Variants in DHX40 observed in about 807,000 individuals in gnomAD.
DHX40 encodes probable ATP-dependent RNA helicase DHX40.
Under a neutral mutation model 89.6 loss-of-function variants are expected in DHX40, and 28 were observed. That is an observed-to-expected ratio of 0.31 (90% CI 0.23 to 0.43). The LOEUF (loss-of-function observed/expected upper bound fraction) is 0.43. Ranked by LOEUF, DHX40 falls within the 20% of genes least tolerant of loss-of-function variation. The pLI, the probability that DHX40 is intolerant of heterozygous loss-of-function variation, is 1.00. For synonymous variants in DHX40, 226 were observed against 283.6 expected (o/e 0.80, Z 2.04); for missense variants, 457 against 844.0 (o/e 0.54, Z 5.68).
intron 3 of DHX40, among the ~76,000 whole-genome samples, chr17:59,572,309 T>A (rs2048821195): frequency 6.6e-6 from 1 of 152,198 alleles, no homozygotes. Flanking sequence ...CTTTCCCTTG[T>A]TTTATGGATG....
intron 2 of DHX40, among the ~76,000 whole-genome samples, chr17:59,568,460 C>T (rs2048739837): frequency 6.6e-6 from 1 of 152,090 alleles, no homozygotes; most frequent in South Asian, 2.1e-4. Flanking sequence ...TTGGGAGATG[C>T]CTTCTAAGAC....
At chr17:59,569,692 G>GAAAA (rs1411166319) in intron 2 of DHX40, among the ~76,000 whole-genome samples, 1 of 133,864 alleles carries the variant, frequency 7.5e-6, no homozygotes, top group African/African-American at 3.2e-5. Flanking sequence ...TCTCAAAAAA[G>GAAAA]AAAAAAATAT....
chr17:59,569,226 G>A (rs2048752413), intron 2 of DHX40, among the ~76,000 whole-genome samples: 1 of 152,122 alleles, frequency 6.6e-6, no homozygotes, highest in Non-Finnish European at 1.5e-5. Context: ...TACTCAGGCG[G>A]CTGAGGCAGG....
At chr17:59,605,795 C>G (rs1213039088) in intron 17 of DHX40, 121 bp downstream of exon 17, 1 of 950,818 alleles carries the variant, frequency 1.1e-6, no homozygotes, top group East Asian at 2.6e-5. Flanking sequence ...GATCCCATCT[C>G]TAGCAAAATA....
intron 4 of DHX40, among the ~76,000 whole-genome samples, chr17:59,573,530 C>T (rs558115533): frequency 3.9e-5 from 6 of 152,232 alleles, no homozygotes; most frequent in African/African-American, 1.2e-4. Context: ...GACAGTGTCT[C>T]GTTTTGTTTC....
rs1416430836 is a variant in DHX40, at chr17:59,567,950, T to C, written c.280+1156T>C. 3.3e-5 allele frequency among the ~76,000 whole-genome samples: 5 copies of C among 151,160 alleles called. No homozygotes were observed. In the East Asian group the frequency reaches 9.7e-4, roughly 29 times the overall value. On this transcript the variant is annotated intron_variant, in intron 2 of 17. Coordinates refer to ENST00000251241, the MANE Select transcript of DHX40 (RefSeq NM_024612.5). ...CCGTCTCCAAAAAAAAAAAAATTTTTTAGGCCGGGCGCAGTGGCTCAAGCC... is the reference window on the plus strand; with the variant it reads ...CCGTCTCCAAAAAAAAAAAAATTTTCTAGGCCGGGCGCAGTGGCTCAAGCC...
intron 11 of DHX40, among the ~76,000 whole-genome samples, chr17:59,587,169 AC>A (rs200716269): frequency 6.6e-6 from 1 of 151,488 alleles, no homozygotes; most frequent in African/African-American, 2.4e-5. Flanking sequence ...AAAAAAAAAA[AC>A]GGTAAAATTG....
chr17:59,573,133 T>C lies in DHX40; in HGVS notation c.444T>C (p.Tyr148=), dbSNP rs542747029. The C allele has an allele frequency of 5.6e-6, 9 of 1,611,260 alleles. No individual in the cohort carries two copies. In the African/African-American group the frequency reaches 8.0e-5, roughly 14 times the overall value. The stretch of plus-strand genomic sequence containing the variant: ...AACATTAGGAGACAGCAATCAAATA[T>C]ATGACTGATGGATGTTTACTGAAAC... The part of the protein sequence containing the change: ...DCSSKETAIK[Y]MTDGCLLKHI... Residue 148 remains tyrosine (Y), a synonymous_variant, in exon 4 of 18, where the codon TAT becomes TAC. Coordinates refer to ENST00000251241, the MANE Select transcript of DHX40 (RefSeq NM_024612.5).
intron 2 of DHX40, among the ~76,000 whole-genome samples, chr17:59,570,215 ATATTAAATATATATTAG>A (rs2048783506): frequency 1.6e-5 from 2 of 122,664 alleles, no homozygotes; most frequent in East Asian, 4.1e-4. Context: ...TATATATTAT[ATATTAAATATATATTAG>A]TATATAATAT....
At chr17:59,582,083 A>AT (rs1330187664) in intron 10 of DHX40, among the ~76,000 whole-genome samples, 1 of 109,454 alleles carries the variant, frequency 9.1e-6, no homozygotes, top group Non-Finnish European at 1.7e-5. Context: ...AAAAAGGGCC[A>AT]TTTTTGGAAA....
In DHX40 at chr17:59,598,859, A is replaced by T. The variant is rs754330227; in HGVS notation, c.1697+8A>T. On this transcript the variant is annotated splice_region_variant and intron_variant, in intron 13 of 17. Coordinates refer to ENST00000251241, the MANE Select transcript of DHX40 (RefSeq NM_024612.5). ...TGAACAATGCAAATCAAGGTATGTA[A>T]GGTAGTCCTTTGTCCTGAAAAATGT... 9 of 1,245,008 alleles carry T rather than the reference A, an allele frequency of 7.2e-6. No individual in the cohort carries two copies. The highest frequency in any genetic ancestry group is 9.5e-6 in the Non-Finnish European group (8 of 846,200). The allele number at this position is 1,245,008 out of a possible 1,614,324, so 77.1% of individuals were successfully genotyped here. A position where few individuals can be genotyped will look rare whatever the true frequency, so the allele number is the denominator to read the frequency against.
chr17:59,588,342 C>T (rs2049031572), intron 12 of DHX40, among the ~76,000 whole-genome samples: 4 of 151,248 alleles, frequency 2.6e-5, no homozygotes, highest in African/African-American at 9.8e-5. Flanking sequence ...CCCTCAACCT[C>T]CCACAGCAAT....
chr17:59,592,263 A>T (rs572304194), intron 12 of DHX40, among the ~76,000 whole-genome samples: 2 of 152,134 alleles, frequency 1.3e-5, no homozygotes, highest in African/African-American at 2.4e-5. Context: ...TACAGAAAGT[A>T]GTTTGAGAAT....
chr17:59,607,156 G>A lies in DHX40; in HGVS notation c.2324G>A (p.Arg775Gln), dbSNP rs2030919710. 6.2e-7 allele frequency: 1 copy of A among 1,614,052 alleles called. No individual in the cohort carries two copies. The highest frequency in any genetic ancestry group is 1.3e-5 in the African/African-American group (1 of 74,918). The stretch of plus-strand genomic sequence containing the variant: ...AGGACCCAGGACCACAGTGACACAC[G>A]AAAGGAAACAGGCTAAGGTGGTGAA... ...QQRTQDHSDT[R>Q]KETG Residue 775 changes from arginine to glutamine, a missense_variant, in exon 18 of 18, where the codon CGA becomes CAA. Transcript: ENST00000251241.
At chr17:59,606,939 T>G (rs2030897830) in intron 17 of DHX40, 94 bp from the exon 18 acceptor site, 1 of 1,198,298 alleles carries the variant, frequency 8.3e-7, no homozygotes, top group South Asian at 1.5e-5. Flanking sequence ...TTTACTTTGT[T>G]AACACTGAAA....
intron 14 of DHX40, among the ~76,000 whole-genome samples, chr17:59,601,896 C>T (rs1055221149): frequency 1.1e-4 from 16 of 152,344 alleles, no homozygotes; most frequent in African/African-American, 3.8e-4. Context: ...TCTGAGTACT[C>T]TTCCTAACAT....
At position 59,607,978 on chromosome 17, in the gene DHX40, A is replaced by T. The variant is rs2030962284; in HGVS notation, c.*806A>T. On this transcript the variant is annotated 3_prime_UTR_variant, in exon 18 of 18. Transcript: ENST00000251241. Reference sequence around the variant, plus strand: ...TATGTAGGTGTGATAGTACTTTCAAACAGCGCCTCCACCTGGCCTACTCTG... The same window carrying T: ...TATGTAGGTGTGATAGTACTTTCAATCAGCGCCTCCACCTGGCCTACTCTG... 6.5e-6 allele frequency: 1 copy of T among 154,582 alleles called. No homozygotes were observed. The highest frequency in any genetic ancestry group is 6.6e-5 in the Admixed American group (1 of 15,264). The allele number at this position is 154,582 out of a possible 1,614,324, so 9.6% of individuals were successfully genotyped here.
intron 12 of DHX40, among the ~76,000 whole-genome samples, chr17:59,597,658 C>G (rs1350542112): frequency 6.6e-6 from 1 of 151,552 alleles, no homozygotes; most frequent in African/African-American, 2.4e-5. Context: ...GGGCTTGGGC[C>G]GGGCACGGTG....
intron 3 of DHX40, 44 bp downstream of exon 3, chr17:59,570,707 C>G: frequency 6.3e-7 from 1 of 1,575,736 alleles, no homozygotes; most frequent in Admixed American, 1.8e-5. Context: ...TTTTATGGGA[C>G]AGGGTCTTGC....
Sources: gnomAD v4.1 joint callset for allele counts (sites outside exome capture counted in the v4.1 genomes callset) on GRCh38, gnomAD v4.1.1 for gene constraint, MANE v1.5 for transcripts, NCBI Gene and HGNC (gene_info 2026-07-23, HGNC 2026-07-21) for gene names.